AUNIP: variants seen among roughly 807,000 people sequenced by gnomAD.
AUNIP encodes aurora kinase A and ninein interacting protein.
In AUNIP, 16 loss-of-function variants were observed where a neutral mutation model predicts 12.2. The observed-to-expected ratio is 1.31, with a 90% CI of 0.88 to 1.99. The LOEUF (loss-of-function observed/expected upper bound fraction) is 1.99, where lower values mean the gene tolerates loss of function less well. Among genes scored for constraint, AUNIP ranks in the 30% most tolerant of loss-of-function variants. AUNIP has a pLI of 0.00. For synonymous variants in AUNIP, 142 were observed against 154.8 expected (o/e 0.92, Z 0.61); for missense variants, 411 against 419.1 (o/e 0.98, Z 0.17).
chr1:25,832,969 G>A (rs1469620622), downstream of AUNIP: 2 of 152,084 alleles, frequency 1.3e-5, no homozygotes, highest in African/African-American at 2.4e-5. Flanking sequence ...CTTGAGTTGC[G>A]ATTACCCAGT....
intron 1 of AUNIP, among the ~76,000 whole-genome samples, chr1:25,849,501 T>C (rs1328343240): frequency 6.6e-6 from 1 of 152,234 alleles, no homozygotes; most frequent in Non-Finnish European, 1.5e-5. Context: ...TCATACAATA[T>C]CTGGTCTTTT....
Position 25,843,922 on chromosome 1 carries a change from G to A in AUNIP, c.79-6368C>T, listed in dbSNP as rs150120439. On this transcript the variant is annotated intron_variant, in intron 1 of 2. Transcript: ENST00000374298. ...TCCTGGTGAGGATGCCGTGAACATT[G>A]TTGAAAAGACAACAAAAAATTTAGA... 5.0e-3 allele frequency among the ~76,000 whole-genome samples: 761 copies of A among 152,178 alleles called. 8 individuals carry two copies. The highest frequency in any genetic ancestry group is 0.014 in the African/African-American group (585 of 41,540).
chr1:25,843,183 A>ATATATATATATATAT (rs1188949749), intron 1 of AUNIP, among the ~76,000 whole-genome samples: 35 of 114,262 alleles, frequency 3.1e-4, no homozygotes, highest in Non-Finnish European at 5.3e-4. Context: ...AAAAAAAAAA[A>ATATATATATATATAT]AAATATATAT....
chr1:25,853,400 C>T, intron 1 of AUNIP, among the ~76,000 whole-genome samples: 1 of 152,050 alleles, frequency 6.6e-6, no homozygotes, highest in East Asian at 1.9e-4. Flanking sequence ...AGTTTGAGAA[C>T]AGCCTGACCA....
chr1:25,858,173 T>A (rs551301711), intron 1 of AUNIP, among the ~76,000 whole-genome samples: 11 of 151,878 alleles, frequency 7.2e-5, no homozygotes, highest in African/African-American at 2.4e-4. Context: ...TCTCAAAAAA[T>A]AATAATAATA....
chr1:25,854,691 G>C (rs1347534469), intron 1 of AUNIP, among the ~76,000 whole-genome samples: 1 of 152,170 alleles, frequency 6.6e-6, no homozygotes, highest in African/African-American at 2.4e-5. Context: ...TGTGCATGAA[G>C]AATTTGGGTT....
downstream of AUNIP, among the ~76,000 whole-genome samples, chr1:25,833,221 C>T (rs1166112093): frequency 8.6e-5 from 13 of 152,046 alleles, no homozygotes; most frequent in African/African-American, 2.9e-4. Flanking sequence ...CTCAAGTGAG[C>T]CTCCCACCTT....
chr1:25,842,472 C>T (rs1005690502), intron 1 of AUNIP, among the ~76,000 whole-genome samples: 4 of 152,232 alleles, frequency 2.6e-5, no homozygotes, highest in African/African-American at 9.6e-5. Context: ...GGTGAAGCAG[C>T]GAGTGCTGAT....
intron 1 of AUNIP, among the ~76,000 whole-genome samples, chr1:25,843,181 AAAAAAT>A (rs2048357480): frequency 9.5e-6 from 1 of 104,824 alleles, no homozygotes; most frequent in Admixed American, 8.8e-5. Flanking sequence ...TCAAAAAAAA[AAAAAAT>A]ATATATATAT....
chr1:25,842,604 G>A (rs946759379), intron 1 of AUNIP, among the ~76,000 whole-genome samples: 5 of 152,206 alleles, frequency 3.3e-5, no homozygotes, highest in South Asian at 2.1e-4. Flanking sequence ...ATGCCATCTC[G>A]GACTTCCGTA....
chr1:25,844,381 G>A (rs991364515), intron 1 of AUNIP, among the ~76,000 whole-genome samples: 29 of 152,290 alleles, frequency 1.9e-4, no homozygotes, highest in African/African-American at 6.5e-4. Flanking sequence ...TTACAGGTGT[G>A]AGCCATTGTG....
chr1:25,859,395 A>AGGCTCCCGGCGCC lies in AUNIP; in HGVS notation c.-51_-39dup. The AGGCTCCCGGCGCC allele has an allele frequency of 6.8e-6, 10 of 1,473,532 alleles. No homozygotes were observed. The highest frequency in any genetic ancestry group is 8.9e-6 in the Non-Finnish European group (10 of 1,120,280). 91.3% of individuals were successfully genotyped at this position (1,473,532 alleles called of 1,614,324 possible). The stretch of plus-strand genomic sequence containing the variant: ...GACGAAGCCGGCAGGACGCCGGCGC[A>AGGCTCCCGGCGCC]GGCTCCCGGCGCCTCAGGGAACGCC... On this transcript the variant is annotated 5_prime_UTR_variant, in exon 1 of 3. Transcript: ENST00000374298.
chr1:25,837,853 T>A (rs2048315759), intron 1 of AUNIP, among the ~76,000 whole-genome samples: 1 of 152,218 alleles, frequency 6.6e-6, no homozygotes. Flanking sequence ...TGCTCTTTTA[T>A]ATTTAAGGAT....
At chr1:25,839,112 G>C (rs1572260854) in intron 1 of AUNIP, among the ~76,000 whole-genome samples, 2 of 152,198 alleles carry the variant, frequency 1.3e-5, no homozygotes, top group East Asian at 3.8e-4. Context: ...GATATAAACA[G>C]CAGACAACAG....
chr1:25,853,959 T>C (rs1373064001), intron 1 of AUNIP, among the ~76,000 whole-genome samples: 1 of 152,152 alleles, frequency 6.6e-6, no homozygotes, highest in Non-Finnish European at 1.5e-5. Context: ...CTCACGCCTG[T>C]AATCCCTTTG....
In AUNIP at chr1:25,856,675, C is replaced by T. The variant is rs185152242; in HGVS notation, c.78+2605G>A. The stretch of plus-strand genomic sequence containing the variant: ...GGGCAACAAGAGCAAGACTCCATTT[C>T]GGAAAACAACAACAACAACAACAAC... On this transcript the variant is annotated intron_variant, in intron 1 of 2. Coordinates refer to ENST00000374298, the MANE Select transcript of AUNIP (RefSeq NM_024037.3). Among the ~76,000 whole-genome samples the T allele has an allele frequency of 2.9e-3, 433 of 151,770 alleles. 4 individuals are homozygous for T. The highest frequency in any genetic ancestry group is 5.6e-3 in the Admixed American group (86 of 15,270).
chr1:25,834,129 T>G lies in AUNIP; in HGVS notation c.*864A>C, dbSNP rs2048277778. The G allele has an allele frequency of 2.0e-6, 2 of 984,992 alleles. No individual in the cohort carries two copies. Among genetic ancestry groups the G allele is most frequent in the South Asian group, 9.4e-5 (2 of 21,294 alleles). The allele number at this position is 984,992 out of a possible 1,614,324, so 61.0% of individuals were successfully genotyped here. A position where few individuals can be genotyped will look rare whatever the true frequency, so the allele number is the denominator to read the frequency against. On this transcript the variant is annotated 3_prime_UTR_variant, in exon 3 of 3. Transcript: ENST00000374298. Reference sequence around the variant, plus strand: ...AGCTCAGGCTTTTTAAGGGAGATATTTAAACATAGAGTATATAACTTTAAA... The same window carrying G: ...AGCTCAGGCTTTTTAAGGGAGATATGTAAACATAGAGTATATAACTTTAAA...
chr1:25,835,931 C>T, intron 2 of AUNIP, 85 bp from the exon 3 acceptor site: 1 of 1,541,310 alleles, frequency 6.5e-7, no homozygotes, highest in Non-Finnish European at 8.7e-7. Flanking sequence ...AAATCAGTAT[C>T]AGCTACTATT....
At chr1:25,835,994 T>C in intron 2 of AUNIP, 148 bp from the exon 3 acceptor site, 2 of 1,270,626 alleles carry the variant, frequency 1.6e-6, no homozygotes, top group South Asian at 3.2e-5. Context: ...TAGCCAATCT[T>C]CCTGTTTTCA....
Sources: gnomAD v4.1 joint callset for allele counts (sites outside exome capture counted in the v4.1 genomes callset) on GRCh38, gnomAD v4.1.1 for gene constraint, MANE v1.5 for transcripts, NCBI Gene and HGNC (gene_info 2026-07-23, HGNC 2026-07-21) for gene names.